PGAP1: variants seen among roughly 807,000 people sequenced by gnomAD.
PGAP1 encodes GPI inositol-deacylase.
PGAP1 carries 76 observed loss-of-function variants against 127.0 expected under a neutral mutation model. The observed-to-expected ratio is 0.60, with a 90% confidence interval of 0.50 to 0.72. PGAP1 has a LOEUF of 0.72. Among genes scored for constraint, PGAP1 ranks in the 30% least tolerant of loss-of-function variants. PGAP1 has a pLI of 0.00. For synonymous variants in PGAP1, 362 were observed against 366.5 expected (o/e 0.99, Z 0.14); for missense variants, 982 against 1,071.3 (o/e 0.92, Z 1.16).
At chr2:196,917,907 CCAAA>C (rs1703068692) in intron 2 of PGAP1, among the ~76,000 whole-genome samples, 1 of 152,180 alleles carries the variant, frequency 6.6e-6, no homozygotes, top group East Asian at 1.9e-4. Flanking sequence ...TGAGGAACTC[CCAAA>C]CAGTTTTCCA....
intron 4 of PGAP1, 129 bp downstream of exon 4, chr2:196,912,753 T>C: frequency 4.2e-6 from 3 of 722,628 alleles, no homozygotes; most frequent in Non-Finnish European, 6.3e-6. Context: ...TTGGAGGTGC[T>C]GATTTGCAAC....
At chr2:196,847,858 G>T (rs370044664) in intron 21 of PGAP1, 89 bp downstream of exon 21, 1 of 976,666 alleles carries the variant, frequency 1.0e-6, no homozygotes, top group South Asian at 2.4e-5. Flanking sequence ...TGCCAAATCT[G>T]TATGAAAATT....
rs761597205 is a variant in PGAP1, at chr2:196,844,035, T to A, written c.2378A>T (p.His793Leu). ...HSRRSEKKSN[H>L]HKDSSIHHLR... ...ATGGTGTATTGAGGAGTCTTTATGA[T>A]GATTGGATTTCTTTTCACTTCTTCT... The change falls in exon 25 of 27, where the codon CAT (histidine) becomes CTT (leucine). Residue 793 changes from histidine to leucine, a missense_variant. Physicochemically the swap from His to Leu is moderately conservative, Grantham distance 99. Coordinates refer to ENST00000354764, the MANE Select transcript of PGAP1 (RefSeq NM_024989.4). 4.4e-6 allele frequency: 7 copies of A among 1,597,958 alleles called. No homozygotes were observed. In the South Asian group the frequency reaches 6.8e-5, roughly 15 times the overall value.
intron 2 of PGAP1, among the ~76,000 whole-genome samples, chr2:196,917,224 A>C (rs1187147320): frequency 1.3e-5 from 2 of 152,196 alleles, no homozygotes; most frequent in Non-Finnish European, 2.9e-5. Context: ...CTTTTTAAAA[A>C]ATATATTATA....
Position 196,842,712 on chromosome 2 carries a change from C to T in PGAP1, c.2630+9G>A. The T allele has an allele frequency of 7.0e-7, 1 of 1,435,676 alleles. No individual in the cohort carries two copies. The highest frequency in any genetic ancestry group is 9.6e-7 in the Non-Finnish European group (1 of 1,045,968). 88.9% of individuals were successfully genotyped at this position (1,435,676 alleles called of 1,614,324 possible). A position where few individuals can be genotyped will look rare whatever the true frequency, so the allele number is the denominator to read the frequency against. On this transcript the variant is annotated intron_variant, in intron 26 of 26. Coordinates refer to ENST00000354764, the MANE Select transcript of PGAP1 (RefSeq NM_024989.4). ...AGATATAAGAAAAAGAAAGATTAAA[C>T]TACTGTACCTTGATTTTATTGAAAC...
At chr2:196,861,178 T>C (rs1349869868) in intron 20 of PGAP1, among the ~76,000 whole-genome samples, 1 of 152,076 alleles carries the variant, frequency 6.6e-6, no homozygotes, top group Non-Finnish European at 1.5e-5. Context: ...TATGCAAAAA[T>C]TAAATCAAAA....
At chr2:196,858,450 T>C (rs1014206086) in intron 20 of PGAP1, among the ~76,000 whole-genome samples, 4 of 151,892 alleles carry the variant, frequency 2.6e-5, no homozygotes, top group Admixed American at 6.6e-5. Flanking sequence ...ATGAAGAATA[T>C]TTTTAAAAAT....
chr2:196,870,193 A>C (rs1701368426), intron 19 of PGAP1, among the ~76,000 whole-genome samples: 1 of 152,146 alleles, frequency 6.6e-6, no homozygotes, highest in East Asian at 1.9e-4. Context: ...GCACAATATA[A>C]AAAGTTATTT....
At chr2:196,923,183 C>T (rs1703262229) in intron 1 of PGAP1, among the ~76,000 whole-genome samples, 1 of 152,102 alleles carries the variant, frequency 6.6e-6, no homozygotes, top group African/African-American at 2.4e-5. Flanking sequence ...TACATATATA[C>T]AAGCAAATAT....
intron 14 of PGAP1, 174 bp from the exon 15 acceptor site, chr2:196,873,932 A>G (rs1701480692): frequency 2.0e-6 from 1 of 493,554 alleles, no homozygotes; most frequent in Admixed American, 3.6e-5. Context: ...AACTCTAGAC[A>G]AAATAAATTT....
In PGAP1 at chr2:196,838,683, T is replaced by C. The variant is rs1559323210; in HGVS notation, c.*2551A>G. 1 of 152,256 alleles carries C rather than the reference T, an allele frequency of 6.6e-6. No homozygotes were observed. The highest frequency in any genetic ancestry group is 2.4e-5 in the African/African-American group (1 of 41,464). 9.4% of individuals were successfully genotyped at this position (152,256 alleles called of 1,614,324 possible). A position where few individuals can be genotyped will look rare whatever the true frequency, so the allele number is the denominator to read the frequency against. ...TTTGGCATAAATAATACTTTAGGAC[T>C]TGGTGATAACTACATTCCCATGAAA... On this transcript the variant is annotated 3_prime_UTR_variant, in exon 27 of 27. Coordinates refer to ENST00000354764, the MANE Select transcript of PGAP1 (RefSeq NM_024989.4).
At position 196,836,449 on chromosome 2, in the gene PGAP1, A is replaced by G. The variant is rs540885093; in HGVS notation, c.*4785T>C. 12 of 152,356 alleles carry G rather than the reference A, an allele frequency of 7.9e-5. No homozygotes were observed. The South Asian group carries it at 1.9e-3, about 24-fold the overall frequency. The allele number at this position is 152,356 out of a possible 1,614,324, so 9.4% of individuals were successfully genotyped here. A position where few individuals can be genotyped will look rare whatever the true frequency, so the allele number is the denominator to read the frequency against. ...AGTTATTAACAGATAATAAATTCATATAAGTTCTTCTGTACTCAATACAAT... is the reference window on the plus strand; with the variant it reads ...AGTTATTAACAGATAATAAATTCATGTAAGTTCTTCTGTACTCAATACAAT... On this transcript the variant is annotated 3_prime_UTR_variant, in exon 27 of 27. Coordinates refer to ENST00000354764, the MANE Select transcript of PGAP1 (RefSeq NM_024989.4).
chr2:196,870,834 A>G, intron 19 of PGAP1, 107 bp downstream of exon 19: 1 of 934,766 alleles, frequency 1.1e-6, no homozygotes, highest in Non-Finnish European at 1.6e-6. Context: ...GTGGTCTGCA[A>G]AAAATTATTG....
intron 7 of PGAP1, among the ~76,000 whole-genome samples, chr2:196,894,167 A>T (rs1421838619): frequency 6.6e-6 from 1 of 152,236 alleles, no homozygotes; most frequent in Non-Finnish European, 1.5e-5. Flanking sequence ...TCCTTCAAAA[A>T]TTAGAAACTT....
chr2:196,873,655 A>G, intron 15 of PGAP1, 30 bp downstream of exon 15: 1 of 1,599,246 alleles, frequency 6.3e-7, no homozygotes, highest in Non-Finnish European at 8.6e-7. Flanking sequence ...GTAAAATCAA[A>G]TCCTTTTTCT....
At chr2:196,915,123 A>T (rs1161306750) in intron 3 of PGAP1, among the ~76,000 whole-genome samples, 1 of 152,170 alleles carries the variant, frequency 6.6e-6, no homozygotes, top group African/African-American at 2.4e-5. Context: ...TGAAATATTT[A>T]AGTTAGTTTC....
At position 196,847,965 on chromosome 2, in the gene PGAP1, A is replaced by G. The variant is rs1700607012; in HGVS notation, c.1934T>C (p.Ile645Thr). 7 of 1,591,698 alleles carry G rather than the reference A, an allele frequency of 4.4e-6. No homozygotes were observed. Among genetic ancestry groups the G allele is most frequent in the Middle Eastern group, 1.7e-4 (1 of 5,990 alleles). Residue 645 changes from isoleucine to threonine, a missense_variant, in exon 21 of 27, where the codon ATC becomes ACC. Transcript: ENST00000354764. ...AACTTACCCCAACAGAAACTTAATGATAATTACAAAAGGATCAACTTTGTA... is the reference window on the plus strand; with the variant it reads ...AACTTACCCCAACAGAAACTTAATGGTAATTACAAAAGGATCAACTTTGTA... ...KPYKVDPFVIIIKFLLGYKWF... is the reference protein window; with the variant it reads ...KPYKVDPFVITIKFLLGYKWF...
At chr2:196,904,714 G>T (rs553363520) in intron 4 of PGAP1, among the ~76,000 whole-genome samples, 1 of 151,916 alleles carries the variant, frequency 6.6e-6, no homozygotes, top group Non-Finnish European at 1.5e-5. Flanking sequence ...GCAACAGAGC[G>T]TGACTGTCTC....
rs1021921002 is a variant in PGAP1, at chr2:196,840,924, T to A, written c.*310A>T. On this transcript the variant is annotated 3_prime_UTR_variant, in exon 27 of 27. Transcript: ENST00000354764. ...TGCTGCATCTACTAAATCTCTCATA[T>A]CAGACTTCTCGTACAGTTGATAAAA... is the stretch of plus-strand genomic sequence containing the variant. 9.3e-6 allele frequency: 2 copies of A among 215,556 alleles called. No individual in the cohort carries two copies. The highest frequency in any genetic ancestry group is 4.5e-5 in the African/African-American group (2 of 43,982). The allele number at this position is 215,556 out of a possible 1,614,324, so 13.4% of individuals were successfully genotyped here. A position where few individuals can be genotyped will look rare whatever the true frequency, so the allele number is the denominator to read the frequency against.
Sources: allele counts gnomAD v4.1 joint callset (sites outside exome capture counted in the v4.1 genomes callset), GRCh38; gene constraint gnomAD v4.1.1; transcripts MANE v1.5; gene names NCBI Gene and HGNC (gene_info 2026-07-23, HGNC 2026-07-21).